Variants in GABBR2 observed in about 807,000 individuals in gnomAD.
The protein encoded by GABBR2 is G-protein coupled receptor 51.
A neutral mutation model predicts 105.6 loss-of-function variants in GABBR2; 23 were observed. The ratio of observed to expected loss-of-function variants is 0.22; its 90% CI spans 0.16 to 0.31. The LOEUF (loss-of-function observed/expected upper bound fraction) is 0.31. Among genes scored for constraint, GABBR2 ranks in the 10% least tolerant of loss-of-function variants. The pLI is 1.00. For missense variants in GABBR2, 734 were observed against 1,245.5 expected (o/e 0.59, Z 6.18); for synonymous variants, 478 against 499.7 (o/e 0.96, Z 0.58).
chr9:98,329,251 C>CT (rs1830980909), intron 13 of GABBR2, among the ~76,000 whole-genome samples: 1 of 152,220 alleles, frequency 6.6e-6, no homozygotes, highest in African/African-American at 2.4e-5. Context: ...AAACTGGTAG[C>CT]TTGTCCTTAG....
At chr9:98,408,159 C>G (rs1832522605) in intron 7 of GABBR2, among the ~76,000 whole-genome samples, 1 of 152,084 alleles carries the variant, frequency 6.6e-6, no homozygotes, top group African/African-American at 2.4e-5. Context: ...GCTTTCCAGC[C>G]CTTGGGAAGC....
intron 13 of GABBR2, among the ~76,000 whole-genome samples, chr9:98,324,060 G>A (rs1396293184): frequency 1.3e-5 from 2 of 152,202 alleles, no homozygotes; most frequent in Non-Finnish European, 2.9e-5. Flanking sequence ...AAGCCCAGGA[G>A]TGGGCTGGAA....
intron 2 of GABBR2, among the ~76,000 whole-genome samples, chr9:98,566,612 T>C (rs981852790): frequency 1.3e-5 from 2 of 151,824 alleles, no homozygotes; most frequent in South Asian, 2.1e-4. Context: ...GAGGTGGAGC[T>C]TGTAGTGAGC....
At chr9:98,447,807 G>T (rs1217850721) in intron 7 of GABBR2, among the ~76,000 whole-genome samples, 1 of 151,606 alleles carries the variant, frequency 6.6e-6, no homozygotes, top group Non-Finnish European at 1.5e-5. Flanking sequence ...TAAAAAGTTG[G>T]TAGGGTGGGT....
intron 1 of GABBR2, among the ~76,000 whole-genome samples, chr9:98,670,270 C>CAA (rs35929348): frequency 3.5e-4 from 50 of 142,844 alleles, no homozygotes; most frequent in African/African-American, 1.1e-3. Flanking sequence ...TTCGTCACCT[C>CAA]AAAAAAAAAA....
At chr9:98,579,574 C>A (rs1007089756) in intron 1 of GABBR2, among the ~76,000 whole-genome samples, 3 of 152,198 alleles carry the variant, frequency 2.0e-5, no homozygotes, top group Non-Finnish European at 2.9e-5. Flanking sequence ...GCTTTCCATG[C>A]ACTTAAAACC....
intron 7 of GABBR2, among the ~76,000 whole-genome samples, chr9:98,424,712 T>G (rs2131560424): frequency 6.6e-6 from 1 of 151,546 alleles, no homozygotes; most frequent in Non-Finnish European, 1.5e-5. Context: ...AGCCAAATCA[T>G]GAGTGAACTC....
chr9:98,464,864 T>C (rs1281612661), intron 6 of GABBR2, among the ~76,000 whole-genome samples: 1 of 152,002 alleles, frequency 6.6e-6, no homozygotes, highest in Admixed American at 6.5e-5. Context: ...AACTCAGGGT[T>C]AAATGGATTA....
chr9:98,692,168 A>G (rs1184494211), intron 1 of GABBR2, among the ~76,000 whole-genome samples: 1 of 152,148 alleles, frequency 6.6e-6, no homozygotes, highest in Non-Finnish European at 1.5e-5. Context: ...CTTGCATGTG[A>G]GTGGCCTACA....
rs115372401 is a variant in GABBR2, at chr9:98,435,394, G to A, written c.1236+18587C>T. ...CCTCCATCATCCCCTCTCTTCTGTC[G>A]TAACTGGTAAAACACCAAGCCCTAT... On this transcript the variant is annotated intron_variant, in intron 7 of 18. Coordinates refer to ENST00000259455, the MANE Select transcript of GABBR2 (RefSeq NM_005458.8). 1.0e-2 allele frequency among the ~76,000 whole-genome samples: 1,519 copies of A among 152,174 alleles called. 19 individuals carry two copies. Among genetic ancestry groups the A allele is most frequent in the African/African-American group, 0.035 (1,436 of 41,480 alleles).
In GABBR2 at chr9:98,350,601, T is replaced by A. The variant is rs1336429620; in HGVS notation, c.1893+12114A>T. Among the ~76,000 whole-genome samples, 4 of 139,936 alleles carry A rather than the reference T, an allele frequency of 2.9e-5. No individual in the cohort carries two copies. The East Asian group carries it at 8.1e-4, about 28-fold the overall frequency. 91.8% of individuals were successfully genotyped at this position (139,936 alleles called of 152,430 possible). A position where few individuals can be genotyped will look rare whatever the true frequency, so the allele number is the denominator to read the frequency against. ...TTTTATTCCACTGTGATTTGAGAGA[T>A]GATTGATATGATTTCGATGTAAAAA... On this transcript the variant is annotated intron_variant, in intron 13 of 18. Transcript: ENST00000259455.
intron 17 of GABBR2, among the ~76,000 whole-genome samples, chr9:98,298,995 C>T (rs559974422): frequency 4.6e-5 from 7 of 152,272 alleles, no homozygotes; most frequent in East Asian, 1.9e-4. Flanking sequence ...AACTGCAAGC[C>T]GAGGGATGAG....
chr9:98,290,580 A>G lies in GABBR2; in HGVS notation c.*4T>C, dbSNP rs1379572426. On this transcript the variant is annotated 3_prime_UTR_variant, in exon 19 of 19. Transcript: ENST00000259455. ...GGGAGGCCCCGGGCCCAGGCCTCCCACCCTTACAGGCCCGAGACCATGACT... is the reference window on the plus strand; with the variant it reads ...GGGAGGCCCCGGGCCCAGGCCTCCCGCCCTTACAGGCCCGAGACCATGACT... The G allele has an allele frequency of 1.5e-6, 2 of 1,372,660 alleles. No homozygotes were observed. Among genetic ancestry groups the G allele is most frequent in the Non-Finnish European group, 1.9e-6 (2 of 1,060,790 alleles). 85.0% of individuals were successfully genotyped at this position (1,372,660 alleles called of 1,614,324 possible). A position where few individuals can be genotyped will look rare whatever the true frequency, so the allele number is the denominator to read the frequency against.
intron 1 of GABBR2, among the ~76,000 whole-genome samples, chr9:98,624,186 A>G (rs1017830684): frequency 1.3e-5 from 2 of 152,150 alleles, no homozygotes; most frequent in Non-Finnish European, 2.9e-5. Context: ...CCAGGTCCTG[A>G]GGGGTGTGCA....
chr9:98,645,972 C>G (rs1253112816), intron 1 of GABBR2, among the ~76,000 whole-genome samples: 4 of 152,198 alleles, frequency 2.6e-5, no homozygotes, highest in Non-Finnish European at 5.9e-5. Context: ...CCCACAATTA[C>G]CTAGCAAACA....
At chr9:98,458,988 G>A (rs767164453) in intron 6 of GABBR2, among the ~76,000 whole-genome samples, 189 of 152,302 alleles carry the variant, frequency 1.2e-3, no homozygotes, top group Non-Finnish European at 2.0e-3. Flanking sequence ...TCCACTTAGG[G>A]AATGGCTGAT....
chr9:98,697,851 G>A (rs1321461866), intron 1 of GABBR2, among the ~76,000 whole-genome samples: 1 of 152,166 alleles, frequency 6.6e-6, no homozygotes, highest in East Asian at 1.9e-4. Context: ...TGGACTGGGC[G>A]GGGGCATTCG....
At chr9:98,573,585 A>T (rs1360921937) in intron 2 of GABBR2, among the ~76,000 whole-genome samples, 4 of 152,240 alleles carry the variant, frequency 2.6e-5, no homozygotes, top group African/African-American at 9.6e-5. Flanking sequence ...TGCCCAGCCC[A>T]TTTTTTAAAT....
At chr9:98,537,305 C>A (rs1358827726) in intron 3 of GABBR2, among the ~76,000 whole-genome samples, 1 of 152,198 alleles carries the variant, frequency 6.6e-6, no homozygotes, top group African/African-American at 2.4e-5. Context: ...ACTGCGTGTT[C>A]TTTAATTCCA....
Sources: allele counts gnomAD v4.1 joint callset (sites outside exome capture counted in the v4.1 genomes callset), GRCh38; gene constraint gnomAD v4.1.1; transcripts MANE v1.5; gene names NCBI Gene and HGNC (gene_info 2026-07-23, HGNC 2026-07-21).